The following PCCA variants were observed in gnomAD, a reference collection of about 807,000 sequenced individuals.
PCCA encodes propionyl-CoA carboxylase alpha chain, mitochondrial.
PCCA carries 74 observed loss-of-function variants against 101.3 expected under a neutral mutation model. That is an observed-to-expected ratio of 0.73 (90% CI 0.61 to 0.89). PCCA has a LOEUF of 0.89. PCCA is among the 40% of genes least tolerant of loss of function. PCCA has a pLI of 0.00. For missense variants in PCCA, 891 were observed against 907.0 expected, an observed-to-expected ratio of 0.98 and a Z score of 0.23; for synonymous variants, 294 against 313.6, an observed-to-expected ratio of 0.94 and a Z score of 0.66.
chr13:100,167,933 G>A (rs1005871269), intron 6 of PCCA, among the ~76,000 whole-genome samples: 2 of 152,090 alleles, frequency 1.3e-5, no homozygotes, highest in African/African-American at 4.8e-5. Context: ...CAACTGGCTA[G>A]ATAATGAACT....
chr13:100,444,507 A>G (rs1174164387), intron 20 of PCCA, among the ~76,000 whole-genome samples: 2 of 126,282 alleles, frequency 1.6e-5, no homozygotes, highest in Non-Finnish European at 1.5e-5. Flanking sequence ...CAGTGATGCA[A>G]TCTTGGCTCA....
chr13:100,495,487 AT>A (rs1420748655), intron 21 of PCCA, among the ~76,000 whole-genome samples: 2 of 152,060 alleles, frequency 1.3e-5, no homozygotes, highest in African/African-American at 2.4e-5. Flanking sequence ...AGTGCAGAAA[AT>A]TTTTTTTAAG....
chr13:100,232,062 A>G (rs1278939565), intron 7 of PCCA, among the ~76,000 whole-genome samples: 1 of 152,168 alleles, frequency 6.6e-6, no homozygotes, highest in African/African-American at 2.4e-5. Context: ...ACTCTCTTAA[A>G]GCTTAATTGT....
At chr13:100,268,871 A>G (rs1265696190) in intron 11 of PCCA, 88 bp downstream of exon 11, 6 of 939,310 alleles carry the variant, frequency 6.4e-6, no homozygotes, top group Admixed American at 3.6e-5. Context: ...TGACGCATGC[A>G]TTCAGAGACA....
Position 100,121,707 on chromosome 13 carries a change from C to A in PCCA, c.300+9646C>A, listed in dbSNP as rs552606111. On this transcript the variant is annotated intron_variant, in intron 4 of 23. Transcript: ENST00000376285. ...ACCAGGCTGGGCTCAAACTCCTGAC[C>A]TTGTGATCTGCCCACCTCAGCCTCC... Among the ~76,000 whole-genome samples, 4 of 152,248 alleles carry A rather than the reference C, an allele frequency of 2.6e-5. No homozygotes were observed. The South Asian group carries it at 6.2e-4, about 24-fold the overall frequency.
intron 21 of PCCA, among the ~76,000 whole-genome samples, chr13:100,457,862 C>T (rs142541652): frequency 1.3e-5 from 2 of 152,270 alleles, no homozygotes; most frequent in Admixed American, 6.5e-5. Context: ...GCCATGCCCC[C>T]CTTGGAGGTT....
intron 19 of PCCA, among the ~76,000 whole-genome samples, chr13:100,412,233 C>CATCT (rs1248674080): frequency 6.6e-6 from 1 of 152,132 alleles, no homozygotes; most frequent in Non-Finnish European, 1.5e-5. Context: ...CCAGTATTGC[C>CATCT]ATCTAGTTCA....
chr13:100,127,471 T>C (rs7990780), intron 4 of PCCA, among the ~76,000 whole-genome samples: 71,857 of 152,040 alleles, frequency 0.47, 18,038 homozygotes, highest in East Asian at 0.69. Flanking sequence ...TTAAAGGGAA[T>C]TTATGTATTT....
intron 12 of PCCA, among the ~76,000 whole-genome samples, chr13:100,277,356 C>T (rs1045431265): frequency 5.9e-5 from 9 of 152,078 alleles, no homozygotes; most frequent in African/African-American, 1.9e-4. Context: ...TGGCAAATGA[C>T]GTTAGGGCAA....
chr13:100,122,309 C>A (rs1263841571), intron 4 of PCCA, among the ~76,000 whole-genome samples: 2 of 152,036 alleles, frequency 1.3e-5, no homozygotes, highest in Non-Finnish European at 2.9e-5. Context: ...CTGCAGTTTT[C>A]TTATGATGTC....
chr13:100,154,462 G>C (rs538976532), intron 4 of PCCA: 1 of 155,796 alleles, frequency 6.4e-6, no homozygotes, highest in Admixed American at 6.3e-5. Flanking sequence ...TGGTTCATGT[G>C]TTGTGATATT....
chr13:100,262,880 T>C (rs2062626618), intron 10 of PCCA, 49 bp downstream of exon 10: 4 of 784,384 alleles, frequency 5.1e-6, no homozygotes, highest in Non-Finnish European at 9.0e-6. Flanking sequence ...AATAATATCA[T>C]TTAATCCTAT....
At chr13:100,466,514 GTAAT>G (rs2082527718) in intron 21 of PCCA, among the ~76,000 whole-genome samples, 1 of 152,242 alleles carries the variant, frequency 6.6e-6, no homozygotes, top group African/African-American at 2.4e-5. Context: ...ATTACCTAAG[GTAAT>G]TACCAAGCAT....
intron 20 of PCCA, among the ~76,000 whole-genome samples, chr13:100,435,549 A>G (rs993386315): frequency 6.6e-6 from 1 of 152,228 alleles, no homozygotes; most frequent in Non-Finnish European, 1.5e-5. Flanking sequence ...CCTGGTTTTC[A>G]TTGGTAAACT....
intron 4 of PCCA, among the ~76,000 whole-genome samples, chr13:100,132,752 C>A (rs2050674828): frequency 6.6e-6 from 1 of 152,030 alleles, no homozygotes; most frequent in Admixed American, 6.6e-5. Context: ...TGTAGTGGTT[C>A]TTCATCCACT....
intron 16 of PCCA, among the ~76,000 whole-genome samples, chr13:100,321,807 C>G (rs1325128172): frequency 6.6e-6 from 1 of 151,910 alleles, no homozygotes; most frequent in African/African-American, 2.4e-5. Context: ...TGAGAATTGG[C>G]CTTTATAAAA....
chr13:100,122,528 T>G (rs530681965), intron 4 of PCCA, among the ~76,000 whole-genome samples: 5 of 152,208 alleles, frequency 3.3e-5, no homozygotes, highest in African/African-American at 1.2e-4. Flanking sequence ...TTTTCAGATA[T>G]TCTGTTTCTT....
At chr13:100,481,690 A>G (rs1177547913) in intron 21 of PCCA, among the ~76,000 whole-genome samples, 3 of 152,194 alleles carry the variant, frequency 2.0e-5, no homozygotes. Context: ...GAGAGGGTTT[A>G]TGACCCAGGC....
intron 21 of PCCA, among the ~76,000 whole-genome samples, chr13:100,501,871 C>CTAAATAAATAAATAAATAAATAAATAAA: frequency 7.1e-6 from 1 of 140,622 alleles, no homozygotes; most frequent in East Asian, 2.1e-4. Flanking sequence ...GACACTCCTT[C>CTAAATAAATAAATAAATAAATAAATAAA]TCAATAAATA....
Sources: gnomAD v4.1 joint callset for allele counts (sites outside exome capture counted in the v4.1 genomes callset) on GRCh38, gnomAD v4.1.1 for gene constraint, MANE v1.5 for transcripts, NCBI Gene and HGNC (gene_info 2026-07-23, HGNC 2026-07-21) for gene names.